ARHGAP31: variants seen among roughly 807,000 people sequenced by gnomAD.
The protein encoded by ARHGAP31 is rho GTPase-activating protein 31.
Under a neutral mutation model 113.9 loss-of-function variants are expected in ARHGAP31, and 34 were observed. The ratio of observed to expected loss-of-function variants is 0.30; its 90% CI spans 0.23 to 0.40. ARHGAP31 has a LOEUF of 0.40. Ranked by LOEUF, ARHGAP31 falls within the 10% of genes least tolerant of loss-of-function variation. The pLI is 1.00. For missense variants in ARHGAP31, 1,548 were observed against 1,767.1 expected (o/e 0.88, Z 2.22); for synonymous variants, 650 against 684.8 (o/e 0.95, Z 0.79).
At chr3:119,370,171 G>T (rs2080285611) in intron 3 of ARHGAP31, among the ~76,000 whole-genome samples, 1 of 152,160 alleles carries the variant, frequency 6.6e-6, no homozygotes, top group South Asian at 2.1e-4. Flanking sequence ...AACCACAGAA[G>T]TGTCTTTCCT....
At chr3:119,404,214 C>G (rs958361132) in intron 10 of ARHGAP31, among the ~76,000 whole-genome samples, 3 of 152,150 alleles carry the variant, frequency 2.0e-5, no homozygotes, top group Non-Finnish European at 2.9e-5. Context: ...GTTATCCTCT[C>G]TGGAAGAATA....
chr3:119,368,657 G>T, intron 3 of ARHGAP31, 141 bp downstream of exon 3: 1 of 1,125,416 alleles, frequency 8.9e-7, no homozygotes. Context: ...AGGATAATAT[G>T]GTAAGGAAAA....
chr3:119,323,098 A>T (rs1416702999), intron 1 of ARHGAP31, among the ~76,000 whole-genome samples: 1 of 152,076 alleles, frequency 6.6e-6, no homozygotes, highest in African/African-American at 2.4e-5. Context: ...TGCGCGCCGC[A>T]GCTTCCTCCC....
chr3:119,330,119 G>A lies in ARHGAP31; in HGVS notation c.100+35115G>A, dbSNP rs908248070. The A allele has an allele frequency of 5.7e-6, 4 of 703,766 alleles. No individual in the cohort carries two copies. In the African/African-American group the frequency reaches 7.8e-5, roughly 14 times the overall value. The allele number at this position is 703,766 out of a possible 1,614,324, so 43.6% of individuals were successfully genotyped here. A position where few individuals can be genotyped will look rare whatever the true frequency, so the allele number is the denominator to read the frequency against. On this transcript the variant is annotated intron_variant, in intron 1 of 11. Transcript: ENST00000264245. ...CACCCCAATTAGTGTTGTGGAGAGA[G>A]CCTTCAGGAAAACAGCAAATGAAGC...
chr3:119,359,835 C>T (rs1248811683), intron 1 of ARHGAP31, among the ~76,000 whole-genome samples: 1 of 151,966 alleles, frequency 6.6e-6, no homozygotes, highest in East Asian at 1.9e-4. Context: ...AAGAGGGGGC[C>T]CATTCACAGC....
chr3:119,302,804 G>A (rs892776853), intron 1 of ARHGAP31, among the ~76,000 whole-genome samples: 1 of 152,166 alleles, frequency 6.6e-6, no homozygotes, highest in South Asian at 2.1e-4. Context: ...TAACAGTTTT[G>A]CCACAACCTA....
At chr3:119,383,012 C>T in intron 5 of ARHGAP31, 72 bp from the exon 6 acceptor site, 1 of 1,573,134 alleles carries the variant, frequency 6.4e-7, no homozygotes. Flanking sequence ...TGCAAAAGGC[C>T]CACTGGCTCC....
At position 119,294,554 on chromosome 3, in the gene ARHGAP31, T is replaced by C; in HGVS notation, c.-351T>C. On this transcript the variant is annotated 5_prime_UTR_variant, in exon 1 of 12. Transcript: ENST00000264245. The stretch of plus-strand genomic sequence containing the variant: ...GCACTTAGTAAGGGGTGGGGAGAGC[T>C]TGCCCTCCCTCTTAAGCTGAGGAGA... 4.1e-6 allele frequency: 2 copies of C among 482,404 alleles called. No homozygotes were observed. Among genetic ancestry groups the C allele is most frequent in the East Asian group, 3.4e-5 (1 of 29,634 alleles). The allele number at this position is 482,404 out of a possible 1,614,324, so 29.9% of individuals were successfully genotyped here.
intron 11 of ARHGAP31, among the ~76,000 whole-genome samples, chr3:119,412,909 T>C (rs1015675471): frequency 6.6e-6 from 1 of 151,790 alleles, no homozygotes; most frequent in African/African-American, 2.4e-5. Context: ...TCCCAGCTAC[T>C]TGGGGGGCTG....
At chr3:119,368,720 T>C (rs1308820356) in intron 3 of ARHGAP31, among the ~76,000 whole-genome samples, 1 of 152,202 alleles carries the variant, frequency 6.6e-6, no homozygotes, top group Non-Finnish European at 1.5e-5. Context: ...TTCAGAATCA[T>C]GTTGTTTGTT....
chr3:119,371,418 A>T (rs2080295626), intron 3 of ARHGAP31, among the ~76,000 whole-genome samples: 1 of 152,248 alleles, frequency 6.6e-6, no homozygotes, highest in South Asian at 2.1e-4. Flanking sequence ...ATTGTATTTA[A>T]ACAGTTTATT....
intron 1 of ARHGAP31, among the ~76,000 whole-genome samples, chr3:119,345,863 G>T (rs559613090): frequency 2.0e-5 from 3 of 152,274 alleles, no homozygotes; most frequent in African/African-American, 7.2e-5. Context: ...GACATAAAAA[G>T]GTGACACCTA....
intron 1 of ARHGAP31, among the ~76,000 whole-genome samples, chr3:119,297,160 A>G (rs1376879369): frequency 6.6e-6 from 1 of 152,164 alleles, no homozygotes; most frequent in Admixed American, 6.5e-5. Flanking sequence ...ATTAGAATTT[A>G]TTTTTTCCCT....
chr3:119,414,545 A>G lies in ARHGAP31; in HGVS notation c.2616A>G (p.Ser872=), dbSNP rs754191440. The change falls in exon 12 of 12, where the codon TCA becomes TCG. Residue 872 remains serine (S), a synonymous_variant. Coordinates refer to ENST00000264245, the MANE Select transcript of ARHGAP31 (RefSeq NM_020754.4). ...PSPTREVEIV[S]QEEEDVTHSV... is the part of the protein sequence containing the mutation. Reference sequence around the variant, plus strand: ...CAACCAGGGAGGTTGAGATCGTCTCACAAGAAGAGGAGGATGTAACCCATT... The same window carrying G: ...CAACCAGGGAGGTTGAGATCGTCTCGCAAGAAGAGGAGGATGTAACCCATT... The G allele has an allele frequency of 6.2e-7, 1 of 1,614,226 alleles. No individual in the cohort carries two copies. Among genetic ancestry groups the G allele is most frequent in the Non-Finnish European group, 8.5e-7 (1 of 1,180,038 alleles).
chr3:119,345,662 G>A (rs1282425452), intron 1 of ARHGAP31, among the ~76,000 whole-genome samples: 1 of 152,140 alleles, frequency 6.6e-6, no homozygotes, highest in East Asian at 1.9e-4. Context: ...AAAAGCACTT[G>A]ATGAGCAAAG....
At chr3:119,381,783 G>A (rs2080399886) in intron 4 of ARHGAP31, among the ~76,000 whole-genome samples, 2 of 152,070 alleles carry the variant, frequency 1.3e-5, no homozygotes, top group Admixed American at 6.5e-5. Context: ...TCAGGAGATC[G>A]AGACCATCAT....
chr3:119,416,385 CTCTT>C lies in ARHGAP31; in HGVS notation c.*126_*129del. On this transcript the variant is annotated 3_prime_UTR_variant, in exon 12 of 12. Coordinates refer to ENST00000264245, the MANE Select transcript of ARHGAP31 (RefSeq NM_020754.4). ...TTGGGCCTATTGTGGCCTCTGACTT[CTCTT>C]TCTTCAGCCTTTTGACCACTTATTA... 3.5e-6 allele frequency: 5 copies of C among 1,413,676 alleles called. No individual in the cohort carries two copies. Among genetic ancestry groups the C allele is most frequent in the Non-Finnish European group, 4.9e-6 (5 of 1,022,768 alleles). 87.6% of individuals were successfully genotyped at this position (1,413,676 alleles called of 1,614,324 possible). A position where few individuals can be genotyped will look rare whatever the true frequency, so the allele number is the denominator to read the frequency against.
At chr3:119,408,513 G>A (rs1441113800) in intron 10 of ARHGAP31, among the ~76,000 whole-genome samples, 1 of 152,226 alleles carries the variant, frequency 6.6e-6, no homozygotes, top group Non-Finnish European at 1.5e-5. Flanking sequence ...AGCTTGTGCT[G>A]TGTGCCAGAC....
intron 3 of ARHGAP31, among the ~76,000 whole-genome samples, chr3:119,372,078 A>G (rs1003827816): frequency 3.9e-5 from 6 of 152,180 alleles, no homozygotes; most frequent in Admixed American, 3.9e-4. Context: ...ATACGTGTGC[A>G]TGCGTCTTAC....
Sources: gnomAD v4.1 joint callset for allele counts (sites outside exome capture counted in the v4.1 genomes callset) on GRCh38, gnomAD v4.1.1 for gene constraint, MANE v1.5 for transcripts, NCBI Gene and HGNC (gene_info 2026-07-23, HGNC 2026-07-21) for gene names.